PHACTR1: variants seen among roughly 807,000 people sequenced by gnomAD.
PHACTR1 encodes the protein RPEL repeat containing 1.
A neutral mutation model predicts 69.2 loss-of-function variants in PHACTR1; 16 were observed. The observed-to-expected ratio is 0.23, with a 90% confidence interval of 0.16 to 0.35. The LOEUF (loss-of-function observed/expected upper bound fraction) is 0.35, where lower values mean the gene tolerates loss of function less well. Ranked by LOEUF, PHACTR1 falls within the 10% of genes least tolerant of loss-of-function variation. The pLI is 1.00. For synonymous variants in PHACTR1, 312 were observed against 284.5 expected (o/e 1.10, Z -0.97); for missense variants, 510 against 734.7 (o/e 0.69, Z 3.54).
intron 4 of PHACTR1, among the ~76,000 whole-genome samples, chr6:12,787,058 T>C (rs1290202502): frequency 2.6e-5 from 4 of 152,202 alleles, no homozygotes; most frequent in Non-Finnish European, 4.4e-5. Context: ...GTCAGGACCA[T>C]TTTCCAACTG....
intron 6 of PHACTR1, among the ~76,000 whole-genome samples, chr6:13,166,862 AAC>A (rs949485766): frequency 3.3e-5 from 5 of 152,122 alleles, no homozygotes; most frequent in Non-Finnish European, 7.3e-5. Flanking sequence ...CAGCCCTCCA[AAC>A]ACAGGTTTTT....
At chr6:12,914,238 T>C (rs977938109) in intron 4 of PHACTR1, among the ~76,000 whole-genome samples, 2 of 152,178 alleles carry the variant, frequency 1.3e-5, no homozygotes, top group African/African-American at 4.8e-5. Flanking sequence ...GACCTTGTGA[T>C]CTGCCTGCCT....
chr6:13,153,296 G>A (rs924163934), intron 5 of PHACTR1, among the ~76,000 whole-genome samples: 1 of 152,210 alleles, frequency 6.6e-6, no homozygotes, highest in African/African-American at 2.4e-5. Flanking sequence ...AGAGTTTGAA[G>A]GCAAGTTTAG....
At chr6:12,992,446 A>G (rs1796924231) in intron 4 of PHACTR1, among the ~76,000 whole-genome samples, 1 of 152,238 alleles carries the variant, frequency 6.6e-6, no homozygotes. Flanking sequence ...CAGTTGAAGA[A>G]GAGGTCAGAA....
intron 4 of PHACTR1, among the ~76,000 whole-genome samples, chr6:12,833,506 G>T (rs753059383): frequency 1.3e-5 from 2 of 151,978 alleles, no homozygotes; most frequent in Non-Finnish European, 2.9e-5. Flanking sequence ...TGATCTGCCC[G>T]CCTCAGCCTC....
chr6:12,992,108 A>C (rs544226577), intron 4 of PHACTR1, among the ~76,000 whole-genome samples: 2 of 152,292 alleles, frequency 1.3e-5, no homozygotes, highest in Non-Finnish European at 2.9e-5. Context: ...GCTCTAGGTT[A>C]ATAGAAGACA....
chr6:13,205,705 T>C, intron 7 of PHACTR1, 110 bp from the exon 8 acceptor site: 1 of 1,057,620 alleles, frequency 9.5e-7, no homozygotes, highest in South Asian at 1.6e-5. Flanking sequence ...GCATTTTACC[T>C]AAGAGGCTCA....
chr6:12,975,985 G>A (rs1286044266), intron 4 of PHACTR1, among the ~76,000 whole-genome samples: 2 of 152,198 alleles, frequency 1.3e-5, no homozygotes, highest in African/African-American at 4.8e-5. Context: ...TATGCTTTTA[G>A]AAATATATGG....
chr6:13,111,006 G>T (rs140866845), intron 5 of PHACTR1, among the ~76,000 whole-genome samples: 9 of 151,882 alleles, frequency 5.9e-5, no homozygotes, highest in Non-Finnish European at 1.3e-4. Flanking sequence ...GTTAATGACT[G>T]GAGAATAGTC....
intron 4 of PHACTR1, among the ~76,000 whole-genome samples, chr6:12,961,982 G>A (rs893236524): frequency 1.3e-5 from 2 of 152,158 alleles, no homozygotes; most frequent in Non-Finnish European, 2.9e-5. Context: ...GGGTTTGGGT[G>A]CAGTGGTGTG....
At chr6:12,907,028 C>G (rs1785810233) in intron 4 of PHACTR1, among the ~76,000 whole-genome samples, 1 of 152,100 alleles carries the variant, frequency 6.6e-6, no homozygotes, top group African/African-American at 2.4e-5. Context: ...TAAGGTTTCT[C>G]TATTTCCTCC....
chr6:13,254,481 C>A (rs115475770), intron 10 of PHACTR1, among the ~76,000 whole-genome samples: 1 of 152,296 alleles, frequency 6.6e-6, no homozygotes, highest in African/African-American at 2.4e-5. Flanking sequence ...CTGTTGATCA[C>A]CAGGATTGAT....
At chr6:12,966,820 T>C (rs1024189077) in intron 4 of PHACTR1, among the ~76,000 whole-genome samples, 4 of 152,222 alleles carry the variant, frequency 2.6e-5, no homozygotes, top group African/African-American at 9.6e-5. Context: ...TATATATTAC[T>C]GAGAAGTGAC....
intron 3 of PHACTR1, among the ~76,000 whole-genome samples, chr6:12,739,430 A>G (rs1764744965): frequency 6.6e-6 from 1 of 152,218 alleles, no homozygotes; most frequent in African/African-American, 2.4e-5. Flanking sequence ...ATTAAATTTC[A>G]TATTTATTAA....
At chr6:12,919,424 A>G (rs1787396929) in intron 4 of PHACTR1, among the ~76,000 whole-genome samples, 1 of 152,200 alleles carries the variant, frequency 6.6e-6, no homozygotes, top group South Asian at 2.1e-4. Flanking sequence ...TACAGGCATG[A>G]GCCACCGTGC....
intron 4 of PHACTR1, among the ~76,000 whole-genome samples, chr6:12,975,607 G>T (rs573479426): frequency 6.6e-6 from 1 of 152,188 alleles, no homozygotes; most frequent in African/African-American, 2.4e-5. Context: ...ATGAGACAGG[G>T]TCTCACTCCG....
intron 10 of PHACTR1, among the ~76,000 whole-genome samples, chr6:13,270,582 T>G (rs979623951): frequency 2.0e-5 from 3 of 152,222 alleles, no homozygotes; most frequent in African/African-American, 7.2e-5. Context: ...TGATAGGAAC[T>G]GGGTCAAAGA....
intron 5 of PHACTR1, among the ~76,000 whole-genome samples, chr6:13,059,419 A>G (rs1807334992): frequency 6.6e-6 from 1 of 151,954 alleles, no homozygotes; most frequent in Non-Finnish European, 1.5e-5. Flanking sequence ...TTGTGCACTT[A>G]AAAATTTAAG....
At chr6:13,129,204 T>G (rs1485417813) in intron 5 of PHACTR1, among the ~76,000 whole-genome samples, 1 of 152,028 alleles carries the variant, frequency 6.6e-6, no homozygotes, top group East Asian at 1.9e-4. Flanking sequence ...AGAACCTCCT[T>G]AAAGCACAAA....
Sources: allele counts gnomAD v4.1 joint callset (sites outside exome capture counted in the v4.1 genomes callset), GRCh38; gene constraint gnomAD v4.1.1; transcripts MANE v1.5; gene names NCBI Gene and HGNC (gene_info 2026-07-23, HGNC 2026-07-21).